CTNNA2: variants seen among roughly 807,000 people sequenced by gnomAD.
CTNNA2 encodes the protein catenin alpha-2.
In CTNNA2, 42 loss-of-function variants were observed where a neutral mutation model predicts 101.0. That is an observed-to-expected ratio of 0.42 (90% CI 0.32 to 0.54). The LOEUF is 0.54. CTNNA2 is among the 20% of genes least tolerant of loss of function. The pLI is 0.14. For missense variants in CTNNA2, 871 were observed against 1,223.1 expected (o/e 0.71, Z 4.29); for synonymous variants, 450 against 456.4 (o/e 0.99, Z 0.18).
intron 2 of CTNNA2, among the ~76,000 whole-genome samples, chr2:79,688,664 G>A (rs562053416): frequency 6.6e-6 from 1 of 152,058 alleles, no homozygotes; most frequent in East Asian, 1.9e-4. Flanking sequence ...AGTACTAAGT[G>A]AACAAGATTC....
intron 18 of CTNNA2, among the ~76,000 whole-genome samples, chr2:80,621,925 C>G (rs2149809055): frequency 6.6e-6 from 1 of 151,924 alleles, no homozygotes; most frequent in South Asian, 2.1e-4. Flanking sequence ...TTATAAAAAG[C>G]TGATACTTTT....
At chr2:80,204,960 A>C (rs1707441794) in intron 7 of CTNNA2, among the ~76,000 whole-genome samples, 1 of 152,108 alleles carries the variant, frequency 6.6e-6, no homozygotes. Context: ...GTGTAGGGCA[A>C]CTCCAGTTTT....
At chr2:79,704,614 G>A (rs1321490622) in intron 2 of CTNNA2, among the ~76,000 whole-genome samples, 3 of 148,814 alleles carry the variant, frequency 2.0e-5, no homozygotes, top group African/African-American at 7.4e-5. Context: ...CCGGGTTCAC[G>A]CCATTCTCCT....
At chr2:79,752,446 T>G (rs138194955) in intron 3 of CTNNA2, among the ~76,000 whole-genome samples, 4 of 152,146 alleles carry the variant, frequency 2.6e-5, no homozygotes, top group Non-Finnish European at 5.9e-5. Flanking sequence ...TTAATTATAT[T>G]CAAAAGTGCA....
At chr2:79,975,534 C>T (rs1690776242) in intron 7 of CTNNA2, among the ~76,000 whole-genome samples, 1 of 152,126 alleles carries the variant, frequency 6.6e-6, no homozygotes, top group Admixed American at 6.5e-5. Flanking sequence ...TCCCATGAGG[C>T]TGTCCCTCAC....
Position 79,560,503 on chromosome 2 carries a change from T to C in CTNNA2, c.-6+47296T>C, listed in dbSNP as rs1674709121. On this transcript the variant is annotated intron_variant, in intron 1 of 18. Coordinates refer to ENST00000402739, the MANE Select transcript of CTNNA2 (RefSeq NM_001282597.3). ...TGAAGTTGGCTTTAATTCAGGTTGC[T>C]GGCTTCTAAGAATAGGAAAAACAAT... Among the ~76,000 whole-genome samples the C allele has an allele frequency of 2.0e-5, 3 of 151,964 alleles. No individual in the cohort carries two copies. The South Asian group carries it at 6.2e-4, about 32-fold the overall frequency.
chr2:79,417,039 A>G (rs1365776853), intron 4 of CTNNA2, among the ~76,000 whole-genome samples: 1 of 152,164 alleles, frequency 6.6e-6, no homozygotes, highest in African/African-American at 2.4e-5. Flanking sequence ...CTTTCTGCAC[A>G]TATTCTCTAT....
At chr2:79,894,354 C>G (rs1684548354) in intron 6 of CTNNA2, among the ~76,000 whole-genome samples, 1 of 151,544 alleles carries the variant, frequency 6.6e-6, no homozygotes, top group South Asian at 2.1e-4. Context: ...CTCCTTCCCT[C>G]TGTATTCCAT....
chr2:80,457,018 CTG>C (rs1316381573), intron 9 of CTNNA2, among the ~76,000 whole-genome samples: 4 of 152,106 alleles, frequency 2.6e-5, no homozygotes, highest in Non-Finnish European at 4.4e-5. Flanking sequence ...AGAATGATAA[CTG>C]TTTGAGGTGA....
chr2:79,767,038 G>A (rs1216027290), intron 3 of CTNNA2, among the ~76,000 whole-genome samples: 1 of 152,024 alleles, frequency 6.6e-6, no homozygotes, highest in Non-Finnish European at 1.5e-5. Context: ...ACAGGCGTGA[G>A]CCACTGCGCC....
chr2:79,619,785 C>T (rs966814519), intron 1 of CTNNA2, among the ~76,000 whole-genome samples: 2 of 152,000 alleles, frequency 1.3e-5, no homozygotes, highest in Non-Finnish European at 2.9e-5. Context: ...ATATGAGAGC[C>T]GAAAATTTGC....
chr2:79,818,814 A>G (rs1333883148), intron 3 of CTNNA2, among the ~76,000 whole-genome samples: 9 of 65,832 alleles, frequency 1.4e-4, no homozygotes, highest in Admixed American at 1.4e-3. Context: ...CAGGATCCAA[A>G]ATGCAATTAT....
At chr2:80,136,631 A>G (rs1702713937) in intron 7 of CTNNA2, among the ~76,000 whole-genome samples, 1 of 151,958 alleles carries the variant, frequency 6.6e-6, no homozygotes, top group Admixed American at 6.6e-5. Flanking sequence ...CATCTTTTGT[A>G]TGTTATTTCC....
intron 3 of CTNNA2, among the ~76,000 whole-genome samples, chr2:79,765,501 C>T (rs1428826126): frequency 6.6e-6 from 1 of 152,058 alleles, no homozygotes; most frequent in Non-Finnish European, 1.5e-5. Flanking sequence ...ATTCTATATG[C>T]ACATTGAATA....
At chr2:80,491,463 G>A (rs1224214937) in intron 9 of CTNNA2, among the ~76,000 whole-genome samples, 1 of 152,204 alleles carries the variant, frequency 6.6e-6, no homozygotes, top group Non-Finnish European at 1.5e-5. Flanking sequence ...TCTGAAAAAT[G>A]AAGGTAGGAT....
intron 4 of CTNNA2, among the ~76,000 whole-genome samples, chr2:79,386,479 C>T (rs1411570856): frequency 2.0e-5 from 3 of 152,118 alleles, no homozygotes; most frequent in Non-Finnish European, 2.9e-5. Flanking sequence ...CTTTTTTCTT[C>T]TCCACAATAT....
chr2:80,275,486 C>T (rs1277049934), intron 7 of CTNNA2, among the ~76,000 whole-genome samples: 1 of 151,978 alleles, frequency 6.6e-6, no homozygotes. Flanking sequence ...TTTATTATTG[C>T]AGTAGATAAC....
intron 7 of CTNNA2, among the ~76,000 whole-genome samples, chr2:79,929,784 G>T (rs2104413536): frequency 6.6e-6 from 1 of 152,262 alleles, no homozygotes; most frequent in South Asian, 2.1e-4. Flanking sequence ...AGATGATCAG[G>T]CTGGAAATGA....
chr2:80,523,428 G>A (rs1216141389), intron 9 of CTNNA2, among the ~76,000 whole-genome samples: 1 of 152,188 alleles, frequency 6.6e-6, no homozygotes, highest in Non-Finnish European at 1.5e-5. Flanking sequence ...AGCAAAAGGA[G>A]GAAAATGTTA....
Sources: allele counts gnomAD v4.1 joint callset (sites outside exome capture counted in the v4.1 genomes callset), GRCh38; gene constraint gnomAD v4.1.1; transcripts MANE v1.5; gene names NCBI Gene and HGNC (gene_info 2026-07-23, HGNC 2026-07-21).